TCF4: variants seen among roughly 807,000 people sequenced by gnomAD.
TCF4 encodes SL3-3 enhancer factor 2.
In TCF4, 3 loss-of-function variants were observed where a neutral mutation model predicts 82.1. The ratio of observed to expected loss-of-function variants is 0.04; its 90% confidence interval spans 0.02 to 0.09. The LOEUF (loss-of-function observed/expected upper bound fraction) is 0.09, where lower values mean the gene tolerates loss of function less well. TCF4 is among the 10% of genes least tolerant of loss of function. TCF4 has a pLI of 1.00. For synonymous variants in TCF4, 276 were observed against 309.6 expected (o/e 0.89, Z 1.14); for missense variants, 518 against 852.7 (o/e 0.61, Z 4.89).
At chr18:55,347,970 G>T (rs1368468667) in intron 8 of TCF4, among the ~76,000 whole-genome samples, 7 of 152,062 alleles carry the variant, frequency 4.6e-5, no homozygotes, top group African/African-American at 1.4e-4. Context: ...AATTTAAGAA[G>T]TATCTCTTAT....
intron 15 of TCF4, among the ~76,000 whole-genome samples, chr18:55,246,894 G>T (rs2053429715): frequency 6.6e-6 from 1 of 152,170 alleles, no homozygotes; most frequent in Admixed American, 6.5e-5. Flanking sequence ...ATTGAAAGAT[G>T]ATGTTGACCA....
intron 6 of TCF4, among the ~76,000 whole-genome samples, chr18:55,392,487 T>C (rs2093210109): frequency 6.8e-6 from 1 of 146,492 alleles, no homozygotes; most frequent in South Asian, 2.2e-4. Flanking sequence ...AAAAAGAATA[T>C]CACTGCTTGA....
intron 8 of TCF4, among the ~76,000 whole-genome samples, chr18:55,297,393 G>A (rs1406421097): frequency 1.3e-5 from 2 of 151,978 alleles, no homozygotes; most frequent in African/African-American, 4.8e-5. Context: ...AGTTAGTAAT[G>A]TCTTCCTTGT....
chr18:55,612,545 GA>G (rs540422131), intron 2 of TCF4, among the ~76,000 whole-genome samples: 4 of 149,246 alleles, frequency 2.7e-5, no homozygotes, highest in South Asian at 2.1e-4. Flanking sequence ...TTGTTGTAAT[GA>G]AAAAAAAACA....
rs765455425 is a variant in TCF4 at position 55,275,790 on chromosome 18, T to C, written c.656-38A>G. On this transcript the variant is annotated intron_variant, in intron 9 of 19. Transcript: ENST00000354452. Reference sequence around the variant, plus strand: ...AAGACAACCATGACTTTCTGAGGCATTCAGCCTTGCCTTATAGAATAGGGT... The same window carrying C: ...AAGACAACCATGACTTTCTGAGGCACTCAGCCTTGCCTTATAGAATAGGGT... The C allele has an allele frequency of 6.2e-6, 10 of 1,613,456 alleles. No individual in the cohort carries two copies. The South Asian group carries it at 1.1e-4, about 18-fold the overall frequency.
chr18:55,433,886 G>A (rs542770278), intron 5 of TCF4, among the ~76,000 whole-genome samples: 4 of 152,068 alleles, frequency 2.6e-5, no homozygotes, highest in South Asian at 4.2e-4. Context: ...CCATGCGCAC[G>A]ACACTGACAG....
intron 8 of TCF4, among the ~76,000 whole-genome samples, chr18:55,330,891 A>G (rs747527234): frequency 6.6e-6 from 1 of 152,232 alleles, no homozygotes; most frequent in Admixed American, 6.5e-5. Context: ...ACTTACCTGC[A>G]TAAGTTCTAG....
At chr18:55,402,580 AAG>A (rs1423241993) in intron 6 of TCF4, among the ~76,000 whole-genome samples, 4 of 152,148 alleles carry the variant, frequency 2.6e-5, no homozygotes, top group African/African-American at 7.2e-5. Context: ...AAATTCCATC[AAG>A]AGTTTTCCAA....
intron 6 of TCF4, among the ~76,000 whole-genome samples, chr18:55,374,817 A>T (rs1359213878): frequency 6.9e-6 from 1 of 145,498 alleles, no homozygotes; most frequent in Non-Finnish European, 1.5e-5. Flanking sequence ...GCAGTGAGCC[A>T]TGATCACACC....
chr18:55,279,407 A>T, intron 9 of TCF4, 144 bp downstream of exon 9: 2 of 1,244,824 alleles, frequency 1.6e-6, no homozygotes, highest in Non-Finnish European at 2.3e-6. Context: ...ATCAATTTTT[A>T]AGGAATTCAA....
chr18:55,259,719 C>T (rs1014173435), intron 13 of TCF4: 4 of 535,668 alleles, frequency 7.5e-6, no homozygotes, highest in African/African-American at 1.9e-5. Context: ...TTCCATATGC[C>T]TGTATATTTT....
intron 8 of TCF4, among the ~76,000 whole-genome samples, chr18:55,328,836 G>A (rs2077026874): frequency 6.6e-6 from 1 of 152,154 alleles, no homozygotes; most frequent in African/African-American, 2.4e-5. Context: ...AATCAGAGGG[G>A]AAATGTGATT....
intron 2 of TCF4, chr18:55,585,652 C>A (rs1439183799): frequency 1.4e-6 from 1 of 697,082 alleles, no homozygotes; most frequent in East Asian, 4.8e-5. Context: ...GGTTGGAGGC[C>A]AGCAGCCTCT....
At chr18:55,380,052 C>CT (rs1161851130) in intron 6 of TCF4, among the ~76,000 whole-genome samples, 19 of 151,956 alleles carry the variant, frequency 1.3e-4, no homozygotes, top group African/African-American at 4.1e-4. Flanking sequence ...ATTTTGTTTT[C>CT]TTTTTTTCAG....
At chr18:55,475,099 G>C (rs1041820629) in intron 3 of TCF4, among the ~76,000 whole-genome samples, 1 of 152,126 alleles carries the variant, frequency 6.6e-6, no homozygotes, top group African/African-American at 2.4e-5. Context: ...TGGGTACTTA[G>C]ATCCAATCCA....
chr18:55,541,980 C>T (rs768401222), intron 3 of TCF4, among the ~76,000 whole-genome samples: 1 of 151,742 alleles, frequency 6.6e-6, no homozygotes, highest in Non-Finnish European at 1.5e-5. Context: ...TGGAGAAACC[C>T]GGAATACATT....
At chr18:55,602,192 T>G (rs1223940122) in intron 2 of TCF4, among the ~76,000 whole-genome samples, 6 of 152,216 alleles carry the variant, frequency 3.9e-5, no homozygotes, top group Admixed American at 3.9e-4. Flanking sequence ...CACTCCCATT[T>G]TATAGTTGAG....
rs190639488 is a variant in TCF4, at chr18:55,533,048, C to T, written c.145+52232G>A. Among the ~76,000 whole-genome samples, 516 of 152,304 alleles carry T rather than the reference C, an allele frequency of 3.4e-3. 3 individuals are homozygous for T. The highest frequency in any genetic ancestry group is 3.5e-3 in the Non-Finnish European group (239 of 68,038). ...TCCCCATATGTTTCCATTCTGCCCT[C>T]CTTTCTATCAAGTGGCACAATGGAA... On this transcript the variant is annotated intron_variant, in intron 3 of 19. Coordinates refer to ENST00000354452, the MANE Select transcript of TCF4 (RefSeq NM_001083962.2).
intron 3 of TCF4, among the ~76,000 whole-genome samples, chr18:55,578,966 AT>A (rs1356857146): frequency 2.0e-5 from 3 of 152,032 alleles, no homozygotes; most frequent in African/African-American, 7.2e-5. Context: ...ACATAAACTG[AT>A]TTTAAACACA....
Sources: allele counts gnomAD v4.1 joint callset (sites outside exome capture counted in the v4.1 genomes callset), GRCh38; gene constraint gnomAD v4.1.1; transcripts MANE v1.5; gene names NCBI Gene and HGNC (gene_info 2026-07-23, HGNC 2026-07-21).